The following CSMD1 variants were observed in gnomAD, a reference collection of about 807,000 sequenced individuals.
CSMD1 encodes the protein CUB and Sushi multiple domains 1, also known as CUB and sushi domain-containing protein 1.
A neutral mutation model predicts 417.5 loss-of-function variants in CSMD1; 213 were observed. The ratio of observed to expected loss-of-function variants is 0.51; its 90% CI spans 0.46 to 0.57. The LOEUF is 0.57. Among genes scored for constraint, CSMD1 ranks in the 20% least tolerant of loss-of-function variants. CSMD1 has a pLI of 0.00. For synonymous variants in CSMD1, 2,862 were observed against 1,736.8 expected (o/e 1.65, Z -16.11); for missense variants, 6,923 against 4,529.7 (o/e 1.53, Z -15.17).
intron 54 of CSMD1, among the ~76,000 whole-genome samples, chr8:2,992,258 A>G (rs1806459581): frequency 6.6e-6 from 1 of 151,984 alleles, no homozygotes; most frequent in African/African-American, 2.4e-5. Context: ...GAGGTAGAGG[A>G]GTAGGGAAAT....
intron 3 of CSMD1, among the ~76,000 whole-genome samples, chr8:4,089,174 T>C (rs925559369): frequency 6.6e-6 from 1 of 152,202 alleles, no homozygotes; most frequent in Non-Finnish European, 1.5e-5. Flanking sequence ...CCACTCTTTA[T>C]GGTGACAATC....
At chr8:4,202,769 TAGAAC>T (rs1369457245) in intron 3 of CSMD1, among the ~76,000 whole-genome samples, 19 of 152,152 alleles carry the variant, frequency 1.2e-4, no homozygotes, top group Admixed American at 2.6e-4. Context: ...ATGATAGTGA[TAGAAC>T]AGAGAATAAA....
chr8:4,135,693 G>A (rs1036770105), intron 3 of CSMD1, among the ~76,000 whole-genome samples: 6 of 151,952 alleles, frequency 3.9e-5, no homozygotes, highest in Admixed American at 1.3e-4. Context: ...TTATTAGTCA[G>A]GATATTATTA....
chr8:3,890,140 T>G (rs889599727), intron 5 of CSMD1, among the ~76,000 whole-genome samples: 1 of 152,212 alleles, frequency 6.6e-6, no homozygotes, highest in African/African-American at 2.4e-5. Flanking sequence ...TTATTGGGTG[T>G]ATGGACTAGT....
At chr8:3,903,494 G>C (rs1327858080) in intron 5 of CSMD1, among the ~76,000 whole-genome samples, 1 of 152,162 alleles carries the variant, frequency 6.6e-6, no homozygotes, top group African/African-American at 2.4e-5. Context: ...ATCGACAGCA[G>C]AGAAGTGTGC....
intron 3 of CSMD1, among the ~76,000 whole-genome samples, chr8:4,207,448 T>C (rs1291016755): frequency 5.9e-5 from 9 of 152,202 alleles, no homozygotes; most frequent in Non-Finnish European, 7.4e-5. Context: ...AGTCATTTAA[T>C]TGAACCATAT....
At chr8:3,033,804 A>C (rs1810496871) in intron 50 of CSMD1, among the ~76,000 whole-genome samples, 1 of 152,222 alleles carries the variant, frequency 6.6e-6, no homozygotes, top group Non-Finnish European at 1.5e-5. Flanking sequence ...AAAAATAAAT[A>C]AACAAATTTG....
chr8:3,558,873 G>A (rs572022130), intron 10 of CSMD1, among the ~76,000 whole-genome samples: 86 of 152,134 alleles, frequency 5.7e-4, no homozygotes, highest in East Asian at 4.3e-3. Flanking sequence ...TTCACCTGCC[G>A]CCCTGTAGTT....
chr8:4,949,996 C>T (rs140533692), intron 1 of CSMD1, among the ~76,000 whole-genome samples: 8 of 151,904 alleles, frequency 5.3e-5, no homozygotes, highest in African/African-American at 1.5e-4. Flanking sequence ...TAATTGGTCA[C>T]GACTATTGAT....
At chr8:4,143,251 C>CT (rs552865965) in intron 3 of CSMD1, among the ~76,000 whole-genome samples, 1 of 151,078 alleles carries the variant, frequency 6.6e-6, no homozygotes, top group Non-Finnish European at 1.5e-5. Flanking sequence ...TTAGCACTAT[C>CT]TTTTTCCATT....
intron 3 of CSMD1, among the ~76,000 whole-genome samples, chr8:4,397,539 T>C (rs1804330079): frequency 6.9e-6 from 1 of 144,998 alleles, no homozygotes; most frequent in Admixed American, 6.9e-5. Context: ...TTTTTTTTTT[T>C]TTTTTTTTTT....
chr8:4,151,826 T>C lies in CSMD1; in HGVS notation c.416-119727A>G, dbSNP rs560465560. Reference sequence around the variant, plus strand: ...AATAATTGTTCGAAGTTTTTTTATATATATAGCATGAATCAATTATATTTC... The same window carrying C: ...AATAATTGTTCGAAGTTTTTTTATACATATAGCATGAATCAATTATATTTC... On this transcript the variant is annotated intron_variant, in intron 3 of 69. Coordinates refer to ENST00000635120, the MANE Select transcript of CSMD1 (RefSeq NM_033225.6). 2.6e-5 allele frequency among the ~76,000 whole-genome samples: 4 copies of C among 152,332 alleles called. No homozygotes were observed. The South Asian group carries it at 8.3e-4, about 32-fold the overall frequency.
intron 40 of CSMD1, among the ~76,000 whole-genome samples, chr8:3,146,763 G>T (rs751710606): frequency 3.3e-5 from 5 of 152,206 alleles, no homozygotes; most frequent in Admixed American, 6.5e-5. Flanking sequence ...AGCCAGGTAA[G>T]ATGATTTCCA....
At chr8:3,032,736 C>A (rs889024322) in intron 50 of CSMD1, among the ~76,000 whole-genome samples, 1 of 152,028 alleles carries the variant, frequency 6.6e-6, no homozygotes, top group Non-Finnish European at 1.5e-5. Flanking sequence ...ACCCCCCCAA[C>A]TCCCTATGTT....
Position 4,251,069 on chromosome 8 carries a change from T to C in CSMD1, c.415+168884A>G, listed in dbSNP as rs368159749. Among the ~76,000 whole-genome samples, 3 of 152,324 alleles carry C rather than the reference T, an allele frequency of 2.0e-5. No individual in the cohort carries two copies. The East Asian group carries it at 5.8e-4, about 29-fold the overall frequency. On this transcript the variant is annotated intron_variant, in intron 3 of 69. Coordinates refer to ENST00000635120, the MANE Select transcript of CSMD1 (RefSeq NM_033225.6). ...CAAGCCAGTAATCTGCAGGTGCTTG[T>C]GAAATGTTGTAGTCACATTTTCCCT...
At chr8:3,627,953 G>C (rs1381809622) in intron 7 of CSMD1, among the ~76,000 whole-genome samples, 1 of 152,122 alleles carries the variant, frequency 6.6e-6, no homozygotes, top group African/African-American at 2.4e-5. Flanking sequence ...AAAATGAGAA[G>C]TACTTCACAC....
chr8:4,739,395 A>C (rs1228405062), intron 1 of CSMD1, among the ~76,000 whole-genome samples: 1 of 152,224 alleles, frequency 6.6e-6, no homozygotes, highest in Non-Finnish European at 1.5e-5. Flanking sequence ...TTCCCTATTT[A>C]GTGGCCTTAT....
In CSMD1 at chr8:4,826,260, T is replaced by C. The variant is rs146080102; in HGVS notation, c.85+168072A>G. On this transcript the variant is annotated intron_variant, in intron 1 of 69. Coordinates refer to ENST00000635120, the MANE Select transcript of CSMD1 (RefSeq NM_033225.6). ...AAATATCCATTGACAGATGAACATA[T>C]AAAGAAAATGTGACATATACACACA... Among the ~76,000 whole-genome samples the C allele has an allele frequency of 1.3e-4, 20 of 152,062 alleles. No individual in the cohort carries two copies. In the East Asian group the frequency reaches 3.7e-3, roughly 28 times the overall value.
At chr8:3,464,119 C>G (rs1246265131) in intron 12 of CSMD1, among the ~76,000 whole-genome samples, 2 of 152,156 alleles carry the variant, frequency 1.3e-5, no homozygotes, top group African/African-American at 2.4e-5. Flanking sequence ...AATTCACCCC[C>G]TGCTGGAATG....
Sources: allele counts gnomAD v4.1 joint callset (sites outside exome capture counted in the v4.1 genomes callset), GRCh38; gene constraint gnomAD v4.1.1; transcripts MANE v1.5; gene names NCBI Gene and HGNC (gene_info 2026-07-23, HGNC 2026-07-21).